Variants in UTP14A observed in about 807,000 individuals in gnomAD.
UTP14A encodes UTP14A small subunit processome component, also known as U3 small nucleolar RNA-associated protein 14 homolog A.
Under a neutral mutation model 57.2 loss-of-function variants are expected in UTP14A, and 5 were observed. That is an observed-to-expected ratio of 0.09 (90% CI 0.05 to 0.18). UTP14A has a LOEUF of 0.18. Among genes scored for constraint, UTP14A ranks in the 10% least tolerant of loss-of-function variants. The pLI, the probability that UTP14A is intolerant of heterozygous loss-of-function variation, is 1.00. For missense variants in UTP14A, 430 were observed against 562.1 expected, an observed-to-expected ratio of 0.76 and a Z score of 2.38; for synonymous variants, 169 against 210.9, an observed-to-expected ratio of 0.80 and a Z score of 1.72.
In UTP14A at chrX:129,909,957, C is replaced by T. The variant is rs749081137; in HGVS notation, c.239-1051C>T. 1.1e-4 allele frequency among the ~76,000 whole-genome samples: 12 copies of T among 111,711 alleles called. No individual in the cohort carries two copies. The South Asian group carries it at 2.9e-3, about 27-fold the overall frequency. On this transcript the variant is annotated intron_variant, in intron 4 of 14. Coordinates refer to ENST00000394422, the MANE Select transcript of UTP14A (RefSeq NM_006649.4). ...GTTGTAGATACCAAGGTTAAAGTAGCGAATAAGATGTGAGCTCATGGGGTT... is the reference window on the plus strand; with the variant it reads ...GTTGTAGATACCAAGGTTAAAGTAGTGAATAAGATGTGAGCTCATGGGGTT...
At chrX:129,925,766 T>C (rs1261131663) in intron 12 of UTP14A, among the ~76,000 whole-genome samples, 153 bp from the exon 13 acceptor site, 2 of 112,262 alleles carry the variant, frequency 1.8e-5, no homozygotes, top group African/African-American at 6.5e-5. Flanking sequence ...AATTTGAGCA[T>C]GATTGGCTGT....
chrX:129,921,188 C>T lies in UTP14A; in HGVS notation c.955-6C>T, dbSNP rs1418969744. On this transcript the variant is annotated splice_polypyrimidine_tract_variant and splice_region_variant and intron_variant, in intron 10 of 14. Coordinates refer to ENST00000394422, the MANE Select transcript of UTP14A (RefSeq NM_006649.4). The stretch of plus-strand genomic sequence containing the variant: ...AGGGCTCTCATGCTGTGACTCTTTC[C>T]TCCAGGCTCGCCAAGCTATGCAGGA... 1 of 1,197,559 alleles carries T rather than the reference C, an allele frequency of 8.4e-7. No individual in the cohort carries two copies. Among genetic ancestry groups the T allele is most frequent in the Non-Finnish European group, 1.1e-6 (1 of 888,765 alleles).
intron 6 of UTP14A, among the ~76,000 whole-genome samples, chrX:129,917,873 T>TAAGACACACACCCCACC (rs1266004621): frequency 9.0e-6 from 1 of 110,696 alleles, no homozygotes; most frequent in African/African-American, 3.3e-5. Flanking sequence ...CTCAAGAAAT[T>TAAGACACACACCCCACC]AAGACACACA....
chrX:129,924,283 C>CTTTTTT (rs556719731), intron 11 of UTP14A, among the ~76,000 whole-genome samples: 10 of 82,539 alleles, frequency 1.2e-4, no homozygotes, highest in Non-Finnish European at 1.8e-4. Context: ...TCACATGCTA[C>CTTTTTT]TTTTTTTTTT....
chrX:129,907,573 T>C, intron 2 of UTP14A, 131 bp downstream of exon 2: 1 of 516,600 alleles, frequency 1.9e-6, no homozygotes, highest in South Asian at 3.6e-5. Context: ...GTGTTTCATA[T>C]ATAAGATACT....
At chrX:129,910,007 AAG>A (rs1413650366) in intron 4 of UTP14A, among the ~76,000 whole-genome samples, 1 of 112,189 alleles carries the variant, frequency 8.9e-6, no homozygotes. Context: ...GGGAGACAAT[AAG>A]AGAGGATGAT....
At chrX:129,921,991 G>A (rs1929935261) in intron 11 of UTP14A, 1 of 127,172 alleles carries the variant, frequency 7.9e-6, no homozygotes, top group South Asian at 3.1e-4. Flanking sequence ...TCAATTTTGA[G>A]ACATTAGGAA....
intron 11 of UTP14A, 133 bp downstream of exon 11, chrX:129,921,720 C>T: frequency 1.6e-6 from 1 of 644,467 alleles, no homozygotes; most frequent in Non-Finnish European, 2.3e-6. Context: ...AGTGCGTACA[C>T]TGGATCCCTG....
Position 129,920,524 on chromosome X carries a change from G to T in UTP14A, c.820G>T (p.Val274Phe), listed in dbSNP as rs762666055. Residue 274 changes from valine to phenylalanine, a missense_variant, in exon 9 of 15, where the codon GTT (valine) becomes TTT (phenylalanine). Val to Phe is a conservative substitution (Grantham distance 50, BLOSUM62 -1). This residue lies in a region of UTP14A where 83 missense variants were observed against 140.4 expected (regional missense o/e 0.59). Coordinates refer to ENST00000394422, the MANE Select transcript of UTP14A (RefSeq NM_006649.4). Reference sequence around the variant, plus strand: ...AAAAGAGTTTGAGCAGCTGCGGAAGGTTAATCCAGCTGCAGCACTAGAAGA... The same window carrying T: ...AAAAGAGTTTGAGCAGCTGCGGAAGTTTAATCCAGCTGCAGCACTAGAAGA... Reference protein sequence around the residue: ...ALKEFEQLRKVNPAAALEELE... With the variant: ...ALKEFEQLRKFNPAAALEELE... The T allele has an allele frequency of 3.8e-5, 46 of 1,210,771 alleles. No homozygotes were observed. In the East Asian group the frequency reaches 1.3e-3, roughly 35 times the overall value.
At chrX:129,925,296 G>A (rs1052852389) in intron 12 of UTP14A, 101 bp downstream of exon 12, 141 of 1,058,918 alleles carry the variant, frequency 1.3e-4, no homozygotes, top group Non-Finnish European at 1.7e-4. Flanking sequence ...CAGTAGTTTA[G>A]AGGTCCAGAA....
chrX:129,906,276 T>C, intron 1 of UTP14A, 40 bp downstream of exon 1: 1 of 1,178,708 alleles, frequency 8.5e-7, no homozygotes, highest in Non-Finnish European at 1.1e-6. Context: ...TGGGTCTCGT[T>C]GGGGGCCGGG....
chrX:129,909,400 G>A (rs900104474), intron 4 of UTP14A, among the ~76,000 whole-genome samples: 4 of 110,298 alleles, frequency 3.6e-5, no homozygotes, highest in African/African-American at 9.9e-5. Flanking sequence ...TAGTAGAGAC[G>A]GGGTTTCACC....
chrX:129,921,562 G>C lies in UTP14A; in HGVS notation c.1323G>C (p.Glu441Asp). The part of the protein sequence containing the change: ...RKRSELSQDA[E>D]PAGSQETKDS... ...GATCTGAGCTCAGCCAAGATGCTGA[G>C]CCAGCAGGCAGTCAAGAAACAAAAG... The change falls in exon 11 of 15, where the codon GAG becomes GAC. Residue 441 changes from glutamate (E) to aspartate (D), a missense_variant. Physicochemically the swap from Glu to Asp is conservative, Grantham distance 45. Coordinates refer to ENST00000394422, the MANE Select transcript of UTP14A (RefSeq NM_006649.4). 8.3e-7 allele frequency: 1 copy of C among 1,210,266 alleles called. No individual in the cohort carries two copies. Among genetic ancestry groups the C allele is most frequent in the African/African-American group, 1.7e-5 (1 of 57,527 alleles).
chrX:129,908,811 T>A, intron 4 of UTP14A, 77 bp downstream of exon 4: 1 of 977,716 alleles, frequency 1.0e-6, no homozygotes, highest in Non-Finnish European at 1.5e-6. Context: ...TCACCCCCCC[T>A]AGGAACTGTT....
At chrX:129,928,963 G>T (rs1372756540) in intron 14 of UTP14A, among the ~76,000 whole-genome samples, 2 of 106,637 alleles carry the variant, frequency 1.9e-5, no homozygotes, top group Non-Finnish European at 3.9e-5. Context: ...CCAGCTACTT[G>T]GTAGGCAGAG....
At chrX:129,912,250 T>C (rs1172339259) in intron 6 of UTP14A, among the ~76,000 whole-genome samples, 2 of 109,962 alleles carry the variant, frequency 1.8e-5, no homozygotes, top group African/African-American at 6.6e-5. Flanking sequence ...GTAGCTGGGA[T>C]TACTGGCGTG....
intron 6 of UTP14A, among the ~76,000 whole-genome samples, chrX:129,917,756 T>G (rs1295445539): frequency 9.0e-6 from 1 of 110,950 alleles, no homozygotes; most frequent in Non-Finnish European, 1.9e-5. Flanking sequence ...GGTCTCAAAC[T>G]TGTGGGCTCA....
At position 129,921,483 on chromosome X, in the gene UTP14A, C is replaced by G; in HGVS notation, c.1244C>G (p.Ala415Gly). 1 of 1,211,353 alleles carries G rather than the reference C, an allele frequency of 8.3e-7. No individual in the cohort carries two copies. Among genetic ancestry groups the G allele is most frequent in the Non-Finnish European group, 1.1e-6 (1 of 895,497 alleles). Reference sequence around the variant, plus strand: ...AGTGAGGGAGAAGAAAGACCAGTGGCAGAAGAAGAAATTTTGTTGAGAGAA... The same window carrying G: ...AGTGAGGGAGAAGAAAGACCAGTGGGAGAAGAAGAAATTTTGTTGAGAGAA... ...SESEGEERPV[A>G]EEEILLREFE... The change falls in exon 11 of 15, where the codon GCA becomes GGA. Residue 415 changes from alanine (A) to glycine (G), a missense_variant. Around this residue, in one of 4 missense-constraint regions of UTP14A, gnomAD observed 120 missense variants for 116.8 expected, o/e 1.03. Coordinates refer to ENST00000394422, the MANE Select transcript of UTP14A (RefSeq NM_006649.4).
chrX:129,921,032 T>C, intron 10 of UTP14A, 162 bp from the exon 11 acceptor site: 1 of 731,916 alleles, frequency 1.4e-6, no homozygotes, highest in African/African-American at 2.3e-5. Flanking sequence ...TTTTATACCA[T>C]AGCTATTAAC....
Sources: allele counts gnomAD v4.1 joint callset (sites outside exome capture counted in the v4.1 genomes callset), GRCh38; gene constraint gnomAD v4.1.1; regional missense constraint gnomAD v4.1.1; transcripts MANE v1.5; gene names NCBI Gene and HGNC (gene_info 2026-07-23, HGNC 2026-07-21).